MAPK10: variants seen among roughly 807,000 people sequenced by gnomAD.
The protein encoded by MAPK10 is mitogen-activated protein kinase 10, also known as JNK3 alpha protein kinase.
Under a neutral mutation model 59.3 loss-of-function variants are expected in MAPK10, and 25 were observed. That is an observed-to-expected ratio of 0.42 (90% CI 0.31 to 0.59). The LOEUF (loss-of-function observed/expected upper bound fraction) is 0.59, where lower values mean the gene tolerates loss of function less well. MAPK10 is among the 20% of genes least tolerant of loss of function. The probability of loss-of-function intolerance (pLI) is 0.15; values close to 1 mark genes in which losing one functional copy is unlikely to be tolerated. For synonymous variants in MAPK10, 190 were observed against 200.5 expected (o/e 0.95, Z 0.44); for missense variants, 351 against 568.9 (o/e 0.62, Z 3.90).
At chr4:86,313,548 G>A (rs550479571) in intron 2 of MAPK10, among the ~76,000 whole-genome samples, 275 of 152,142 alleles carry the variant, frequency 1.8e-3, no homozygotes, top group Non-Finnish European at 3.1e-3. Context: ...TTAAAAGTGG[G>A]CAAGAGAGTA....
chr4:86,557,773 A>G (rs1760379640), intron 1 of MAPK10, among the ~76,000 whole-genome samples: 2 of 152,188 alleles, frequency 1.3e-5, no homozygotes, highest in South Asian at 2.1e-4. Flanking sequence ...AGCACTCAAG[A>G]AACTCCGTAT....
chr4:86,128,821 C>T (rs1022075773), intron 4 of MAPK10, among the ~76,000 whole-genome samples: 1 of 151,970 alleles, frequency 6.6e-6, no homozygotes, highest in African/African-American at 2.4e-5. Context: ...TGATGCATGA[C>T]AACTATTAAT....
At chr4:86,121,329 AG>A (rs2059209005) in intron 4 of MAPK10, among the ~76,000 whole-genome samples, 1 of 152,178 alleles carries the variant, frequency 6.6e-6, no homozygotes, top group African/African-American at 2.4e-5. Flanking sequence ...TACATGGCAG[AG>A]GGGATAACTA....
chr4:86,443,834 T>C (rs1432822373), intron 1 of MAPK10, among the ~76,000 whole-genome samples: 1 of 152,034 alleles, frequency 6.6e-6, no homozygotes, highest in Non-Finnish European at 1.5e-5. Context: ...AAAACAACTA[T>C]GACTAACTTG....
intron 1 of MAPK10, among the ~76,000 whole-genome samples, chr4:86,359,266 CT>C (rs1736079682): frequency 4.3e-5 from 3 of 70,084 alleles, no homozygotes; most frequent in African/African-American, 2.5e-4. Context: ...TTTTTTTCCT[CT>C]CTCTCTCTCT....
chr4:86,321,861 A>C (rs2095901706), intron 2 of MAPK10: 1 of 151,958 alleles, frequency 6.6e-6, no homozygotes. Flanking sequence ...TAAATTTTTA[A>C]ATTTTTTTTT....
At chr4:86,124,381 T>C (rs1562003796) in intron 4 of MAPK10, 1 of 151,966 alleles carries the variant, frequency 6.6e-6, no homozygotes, top group Non-Finnish European at 1.5e-5. Flanking sequence ...GAAAATACTT[T>C]AACATAGCAA....
chr4:86,207,081 T>C (rs1228768787), intron 2 of MAPK10, among the ~76,000 whole-genome samples: 2 of 151,530 alleles, frequency 1.3e-5, no homozygotes, highest in African/African-American at 4.9e-5. Flanking sequence ...TTGTCTTTTG[T>C]TGCCATTGCT....
At chr4:86,464,172 C>T (rs1007132331) in intron 1 of MAPK10, among the ~76,000 whole-genome samples, 1 of 152,128 alleles carries the variant, frequency 6.6e-6, no homozygotes, top group East Asian at 1.9e-4. Context: ...TGGGTATTCT[C>T]GATAACCATT....
intron 1 of MAPK10, among the ~76,000 whole-genome samples, chr4:86,593,241 T>C (rs1023448568): frequency 6.6e-6 from 1 of 152,194 alleles, no homozygotes; most frequent in African/African-American, 2.4e-5. Flanking sequence ...CAAATAAGCC[T>C]CAGATCTCTC....
At chr4:86,539,092 A>G (rs1758473929) in intron 1 of MAPK10, among the ~76,000 whole-genome samples, 1 of 152,170 alleles carries the variant, frequency 6.6e-6, no homozygotes, top group Non-Finnish European at 1.5e-5. Context: ...TTTGTATGCA[A>G]ACTGAAGAGC....
intron 1 of MAPK10, among the ~76,000 whole-genome samples, chr4:86,584,906 A>G (rs1293154887): frequency 6.6e-6 from 1 of 152,186 alleles, no homozygotes; most frequent in East Asian, 1.9e-4. Flanking sequence ...ACTTTTATCC[A>G]ATAAAAGTCT....
At chr4:86,316,933 A>G (rs543344301) in intron 2 of MAPK10, among the ~76,000 whole-genome samples, 26 of 152,286 alleles carry the variant, frequency 1.7e-4, no homozygotes, top group Non-Finnish European at 3.7e-4. Context: ...CTGGATTTTA[A>G]AAAGCTTCTA....
At chr4:86,312,976 T>C (rs896971010) in intron 2 of MAPK10, among the ~76,000 whole-genome samples, 1 of 152,140 alleles carries the variant, frequency 6.6e-6, no homozygotes. Context: ...CGCAAGTATA[T>C]ACATATTTGT....
At chr4:86,327,986 T>C (rs1418533443) in intron 2 of MAPK10, among the ~76,000 whole-genome samples, 1 of 151,836 alleles carries the variant, frequency 6.6e-6, no homozygotes, top group African/African-American at 2.4e-5. Flanking sequence ...CAAAAACTAT[T>C]TCTTATAAAA....
chr4:86,557,424 G>A (rs1252927787), intron 1 of MAPK10, among the ~76,000 whole-genome samples: 3 of 151,968 alleles, frequency 2.0e-5, no homozygotes, highest in Non-Finnish European at 4.4e-5. Flanking sequence ...CTAAAAACTA[G>A]TGTATTTTTT....
intron 4 of MAPK10, among the ~76,000 whole-genome samples, chr4:86,118,965 C>A (rs530695204): frequency 6.6e-6 from 1 of 152,276 alleles, no homozygotes; most frequent in East Asian, 1.9e-4. Flanking sequence ...CCTCACTTGG[C>A]TAACCCCATT....
intron 1 of MAPK10, among the ~76,000 whole-genome samples, chr4:86,487,646 G>T (rs1754110235): frequency 6.6e-6 from 1 of 151,302 alleles, no homozygotes. Flanking sequence ...CAGGAGAATG[G>T]TGTGAACCTG....
intron 3 of MAPK10, among the ~76,000 whole-genome samples, chr4:86,176,927 T>C (rs2075825170): frequency 6.6e-6 from 1 of 152,066 alleles, no homozygotes; most frequent in Admixed American, 6.6e-5. Context: ...TACATTGTGA[T>C]TTTAGAAAAT....
Sources: allele counts gnomAD v4.1 joint callset (sites outside exome capture counted in the v4.1 genomes callset), GRCh38; gene constraint gnomAD v4.1.1; transcripts MANE v1.5; gene names NCBI Gene and HGNC (gene_info 2026-07-23, HGNC 2026-07-21).